The following EDAR variants were observed in gnomAD, a reference collection of about 807,000 sequenced individuals.
EDAR encodes ectodysplasin A receptor, also known as tumor necrosis factor receptor superfamily member EDAR.
EDAR carries 38 observed loss-of-function variants against 51.3 expected under a neutral mutation model. That is an observed-to-expected ratio of 0.74 (90% CI 0.57 to 0.97). The LOEUF (loss-of-function observed/expected upper bound fraction) is 0.97, where lower values mean the gene tolerates loss of function less well. Ranked by LOEUF, EDAR falls within the 50% of genes least tolerant of loss-of-function variation. The pLI is 0.00. For missense variants in EDAR, 528 were observed against 595.0 expected (o/e 0.89, Z 1.17); for synonymous variants, 227 against 242.1 (o/e 0.94, Z 0.58).
At chr2:108,906,435 CATGTCAGCAGGGGCAGG>C (rs1696808092) in intron 10 of EDAR, 67 bp from the exon 11 acceptor site, 1 of 1,563,904 alleles carries the variant, frequency 6.4e-7, no homozygotes, top group Admixed American at 1.7e-5. Flanking sequence ...GCAAATCCTC[CATGTCAGCAGGGGCAGG>C]CAGCAGCTAC....
chr2:108,907,472 C>T (rs1696831129), intron 10 of EDAR, among the ~76,000 whole-genome samples: 1 of 152,018 alleles, frequency 6.6e-6, no homozygotes. Context: ...ACAGTGAAAC[C>T]TCGTCTCTAC....
chr2:108,913,036 C>T (rs554263693), intron 5 of EDAR, among the ~76,000 whole-genome samples: 1 of 151,242 alleles, frequency 6.6e-6, no homozygotes, highest in South Asian at 2.1e-4. Context: ...GCAAGCTCTG[C>T]CTCCCTGGTT....
intron 4 of EDAR, among the ~76,000 whole-genome samples, chr2:108,924,056 C>T (rs907283336): frequency 6.6e-6 from 1 of 152,252 alleles, no homozygotes; most frequent in Non-Finnish European, 1.5e-5. Context: ...TAAGTGCCTC[C>T]TTCTCAGAAA....
intron 1 of EDAR, among the ~76,000 whole-genome samples, chr2:108,947,371 C>A (rs1697732975): frequency 6.6e-6 from 1 of 152,134 alleles, no homozygotes; most frequent in Non-Finnish European, 1.5e-5. Context: ...ATCTACCATT[C>A]TCGGGTCTGG....
intron 9 of EDAR, among the ~76,000 whole-genome samples, chr2:108,909,360 C>T (rs1412956671): frequency 6.6e-6 from 1 of 152,016 alleles, no homozygotes; most frequent in Non-Finnish European, 1.5e-5. Flanking sequence ...AGGTCCTGCC[C>T]TTGGTCCTGG....
intron 1 of EDAR, among the ~76,000 whole-genome samples, chr2:108,976,567 C>T (rs968871520): frequency 3.3e-5 from 5 of 152,198 alleles, no homozygotes; most frequent in African/African-American, 1.2e-4. Context: ...GGCACAGCAT[C>T]TACATGAATT....
intron 1 of EDAR, 59 bp from the exon 2 acceptor site, chr2:108,931,091 C>T: frequency 6.9e-7 from 1 of 1,458,772 alleles, no homozygotes; most frequent in African/African-American, 1.4e-5. Context: ...GGGGGTCTGG[C>T]TACCTTTATT....
At chr2:108,976,516 G>A (rs536342864) in intron 1 of EDAR, among the ~76,000 whole-genome samples, 34 of 152,108 alleles carry the variant, frequency 2.2e-4, no homozygotes, top group South Asian at 4.1e-4. Flanking sequence ...CAGGCGGAGC[G>A]CACACTTAAG....
chr2:108,960,686 T>G (rs1698021840), intron 1 of EDAR, among the ~76,000 whole-genome samples: 1 of 152,206 alleles, frequency 6.6e-6, no homozygotes, highest in South Asian at 2.1e-4. Context: ...AGAAGAAAAC[T>G]AAAAATCACT....
intron 1 of EDAR, among the ~76,000 whole-genome samples, chr2:108,953,012 T>G (rs1461055188): frequency 6.6e-6 from 1 of 152,236 alleles, no homozygotes; most frequent in Non-Finnish European, 1.5e-5. Context: ...TTTGTGTGTA[T>G]GTAGTAGGTG....
At chr2:108,965,173 A>G (rs1698123998) in intron 1 of EDAR, among the ~76,000 whole-genome samples, 1 of 152,092 alleles carries the variant, frequency 6.6e-6, no homozygotes, top group African/African-American at 2.4e-5. Context: ...TGTCATGATT[A>G]TATCTTTTAA....
rs1262808032 is a variant in EDAR, at chr2:108,926,536, G to A, written c.356+2662C>T. Among the ~76,000 whole-genome samples the A allele has an allele frequency of 3.9e-5, 6 of 152,326 alleles. No individual in the cohort carries two copies. In the East Asian group the frequency reaches 5.8e-4, roughly 15 times the overall value. On this transcript the variant is annotated intron_variant, in intron 4 of 11. Coordinates refer to ENST00000258443, the MANE Select transcript of EDAR (RefSeq NM_022336.4). ...TGGTGTGCAGAACCAGTGCAGAGTC[G>A]CTGTGTCCTGCCCCCTGCCCCCGCC... is the stretch of plus-strand genomic sequence containing the variant.
intron 3 of EDAR, 48 bp downstream of exon 3, chr2:108,930,072 A>T (rs61761319): frequency 6.9e-6 from 11 of 1,583,692 alleles, no homozygotes; most frequent in Non-Finnish European, 8.6e-6. Flanking sequence ...CACAAGCAGG[A>T]GGCCTCCCCT....
At position 108,930,973 on chromosome 2, in the gene EDAR, G is replaced by C. The variant is rs754448928; in HGVS notation, c.42C>G (p.Pro14=). The part of the protein sequence containing the change: ...VGDCTQTPWL[P]VLVVSLMCSA... Reference sequence around the variant, plus strand: ...GGCTCAGACCACTTACCACCAGGACGGGGAGCCAGGGCGTCTGCGTGCAGT... The same window carrying C: ...GGCTCAGACCACTTACCACCAGGACCGGGAGCCAGGGCGTCTGCGTGCAGT... The change falls in exon 2 of 12, where the codon CCC becomes CCG. Residue 14 remains proline (P), a synonymous_variant. Transcript: ENST00000258443. The C allele has an allele frequency of 1.9e-6, 3 of 1,613,814 alleles. No homozygotes were observed. The African/African-American group carries it at 4.0e-5, about 22-fold the overall frequency.
chr2:108,903,376 T>C (rs144914527), intron 11 of EDAR, among the ~76,000 whole-genome samples: 2 of 152,030 alleles, frequency 1.3e-5, no homozygotes, highest in African/African-American at 2.4e-5. Context: ...TTTGTACATA[T>C]AGGGAAGATT....
At chr2:108,976,541 G>C (rs535724985) in intron 1 of EDAR, among the ~76,000 whole-genome samples, 118 of 152,278 alleles carry the variant, frequency 7.7e-4, no homozygotes, top group African/African-American at 2.6e-3. Context: ...GGAGTTATCC[G>C]TTTAACCTCC....
intron 1 of EDAR, among the ~76,000 whole-genome samples, chr2:108,974,747 A>G (rs2104452988): frequency 6.6e-6 from 1 of 152,224 alleles, no homozygotes; most frequent in Non-Finnish European, 1.5e-5. Context: ...AAAAGATACT[A>G]TTCCCATTTT....
At chr2:108,961,470 T>G (rs1698041224) in intron 1 of EDAR, among the ~76,000 whole-genome samples, 2 of 152,176 alleles carry the variant, frequency 1.3e-5, no homozygotes, top group Admixed American at 1.3e-4. Flanking sequence ...TGCCCTGCCC[T>G]GCTCACAGCC....
chr2:108,929,849 C>T (rs1574386002), intron 3 of EDAR, among the ~76,000 whole-genome samples: 2 of 152,186 alleles, frequency 1.3e-5, no homozygotes, highest in African/African-American at 2.4e-5. Flanking sequence ...GATGATCTGA[C>T]GCTCATTTAA....
Sources: allele counts gnomAD v4.1 joint callset (sites outside exome capture counted in the v4.1 genomes callset), GRCh38; gene constraint gnomAD v4.1.1; transcripts MANE v1.5; gene names NCBI Gene and HGNC (gene_info 2026-07-23, HGNC 2026-07-21).